PPP3CA: variants seen among roughly 807,000 people sequenced by gnomAD.
PPP3CA encodes CAM-PRP catalytic subunit.
Under a neutral mutation model 66.5 loss-of-function variants are expected in PPP3CA, and 14 were observed. The observed-to-expected ratio is 0.21, with a 90% CI of 0.14 to 0.33. PPP3CA has a LOEUF of 0.33. Ranked by LOEUF, PPP3CA falls within the 10% of genes least tolerant of loss-of-function variation. The pLI, the probability that PPP3CA is intolerant of heterozygous loss-of-function variation, is 1.00. For synonymous variants in PPP3CA, 232 were observed against 226.2 expected (o/e 1.03, Z -0.23); for missense variants, 317 against 639.5 (o/e 0.50, Z 5.44).
chr4:101,027,405 GT>G (rs968068381), intron 13 of PPP3CA, among the ~76,000 whole-genome samples: 6 of 152,178 alleles, frequency 3.9e-5, no homozygotes, highest in Admixed American at 2.6e-4. Flanking sequence ...ATGAGAAATA[GT>G]TTTTCCCCCC....
intron 1 of PPP3CA, among the ~76,000 whole-genome samples, chr4:101,204,783 G>C (rs1467260061): frequency 6.6e-6 from 1 of 151,178 alleles, no homozygotes; most frequent in Non-Finnish European, 1.5e-5. Flanking sequence ...TGAATGTTTA[G>C]ATTAAACTTA....
chr4:101,030,582 A>T (rs560178328), intron 12 of PPP3CA, among the ~76,000 whole-genome samples: 3 of 152,288 alleles, frequency 2.0e-5, no homozygotes, highest in Non-Finnish European at 4.4e-5. Flanking sequence ...ACACAAACCA[A>T]TGGATTTAAA....
At chr4:101,242,646 T>C (rs1337439020) in intron 1 of PPP3CA, among the ~76,000 whole-genome samples, 1 of 152,134 alleles carries the variant, frequency 6.6e-6, no homozygotes, top group Non-Finnish European at 1.5e-5. Flanking sequence ...CATTAAGAAA[T>C]CTGGGCCAGG....
chr4:101,282,356 C>G (rs974981135), intron 1 of PPP3CA, among the ~76,000 whole-genome samples: 7 of 152,200 alleles, frequency 4.6e-5, no homozygotes, highest in Non-Finnish European at 8.8e-5. Flanking sequence ...ATGTGATGGA[C>G]AGACCTCACT....
chr4:101,300,667 C>T (rs981116632), intron 1 of PPP3CA, among the ~76,000 whole-genome samples: 4 of 152,056 alleles, frequency 2.6e-5, no homozygotes, highest in Non-Finnish European at 5.9e-5. Flanking sequence ...CATGGTGACA[C>T]ACGCCTGCAG....
intron 1 of PPP3CA, among the ~76,000 whole-genome samples, chr4:101,311,789 A>G (rs2110311231): frequency 6.6e-6 from 1 of 152,268 alleles, no homozygotes; most frequent in South Asian, 2.1e-4. Context: ...ATACCAAAAA[A>G]ATGATACCAT....
At chr4:101,033,290 ACAAAC>A (rs1727085822) in intron 11 of PPP3CA, among the ~76,000 whole-genome samples, 18 of 88,670 alleles carry the variant, frequency 2.0e-4, no homozygotes, top group Middle Eastern at 5.6e-3. Flanking sequence ...ACACACACAC[ACAAAC>A]ACACACACAC....
chr4:101,099,688 T>C lies in PPP3CA; in HGVS notation c.419A>G (p.Tyr140Cys), dbSNP rs1401883929. 2 of 1,588,058 alleles carry C rather than the reference T, an allele frequency of 1.3e-6. No individual in the cohort carries two copies. Among genetic ancestry groups the C allele is most frequent in the African/African-American group, 1.4e-5 (1 of 73,688 alleles). The change falls in exon 4 of 14, where the codon TAC becomes TGC. Residue 140 changes from tyrosine (Y) to cysteine (C), a missense_variant. Physicochemically the swap from Tyr to Cys is radical, Grantham distance 194. This residue lies in a region of PPP3CA where 201 missense variants were observed against 501.4 expected (regional missense o/e 0.40). Coordinates refer to ENST00000394854, the MANE Select transcript of PPP3CA (RefSeq NM_000944.5). Reference protein sequence around the residue: ...VLYLWALKILYPKTLFLLRGN... With the variant: ...VLYLWALKILCPKTLFLLRGN... ...ACGAAGTAAAAACAGTGTTTTGGGGTAGAGAATTTTCAAGGCCCACAAATA... is the reference window on the plus strand; with the variant it reads ...ACGAAGTAAAAACAGTGTTTTGGGGCAGAGAATTTTCAAGGCCCACAAATA...
chr4:101,066,389 T>A (rs34488220), intron 8 of PPP3CA, among the ~76,000 whole-genome samples: 12,781 of 152,162 alleles, frequency 0.084, 799 homozygotes, highest in Non-Finnish European at 0.12. Flanking sequence ...GGTTTATAGA[T>A]AATTTATAAA....
At chr4:101,128,497 C>A (rs747285275) in intron 2 of PPP3CA, among the ~76,000 whole-genome samples, 1 of 151,888 alleles carries the variant, frequency 6.6e-6, no homozygotes, top group Non-Finnish European at 1.5e-5. Flanking sequence ...CAGCTCCCAG[C>A]GACACCAATG....
chr4:101,090,966 C>G (rs953826998), intron 6 of PPP3CA, among the ~76,000 whole-genome samples: 1 of 148,716 alleles, frequency 6.7e-6, no homozygotes, highest in Non-Finnish European at 1.5e-5. Flanking sequence ...ATATCTGTGT[C>G]TATATTATAA....
chr4:101,211,457 T>C (rs1445097996), intron 1 of PPP3CA, among the ~76,000 whole-genome samples: 2 of 152,230 alleles, frequency 1.3e-5, no homozygotes, highest in African/African-American at 4.8e-5. Flanking sequence ...ATGTTTATTC[T>C]GCAAGCACAG....
chr4:101,276,213 G>A (rs766906418), intron 1 of PPP3CA, among the ~76,000 whole-genome samples: 5 of 151,888 alleles, frequency 3.3e-5, no homozygotes, highest in African/African-American at 4.8e-5. Flanking sequence ...GTTTTGTATC[G>A]AGATTACGGA....
At chr4:101,300,740 A>T (rs567658784) in intron 1 of PPP3CA, among the ~76,000 whole-genome samples, 1 of 152,322 alleles carries the variant, frequency 6.6e-6, no homozygotes, top group East Asian at 1.9e-4. Flanking sequence ...GGTTGCACTG[A>T]GCCAAGATCG....
intron 1 of PPP3CA, among the ~76,000 whole-genome samples, chr4:101,307,249 T>C (rs1433459905): frequency 6.6e-6 from 1 of 151,934 alleles, no homozygotes. Flanking sequence ...AACCTGAATG[T>C]CTGAGGGTAA....
intron 1 of PPP3CA, among the ~76,000 whole-genome samples, chr4:101,204,394 T>G (rs1478991716): frequency 6.6e-6 from 1 of 152,068 alleles, no homozygotes; most frequent in Non-Finnish European, 1.5e-5. Flanking sequence ...CCCAGCACTT[T>G]GGGAGGCCCA....
chr4:101,184,868 T>C (rs1478964898), intron 2 of PPP3CA, among the ~76,000 whole-genome samples: 4 of 152,078 alleles, frequency 2.6e-5, no homozygotes, highest in Non-Finnish European at 5.9e-5. Context: ...GGTGCTTTAT[T>C]CCAGGGTGAG....
At chr4:101,208,227 G>C (rs1184559398) in intron 1 of PPP3CA, among the ~76,000 whole-genome samples, 3 of 150,714 alleles carry the variant, frequency 2.0e-5, no homozygotes, top group African/African-American at 7.3e-5. Flanking sequence ...TAAGTGAAAA[G>C]TAATCACACA....
chr4:101,294,901 G>A (rs1578638947), intron 1 of PPP3CA, among the ~76,000 whole-genome samples: 1 of 152,018 alleles, frequency 6.6e-6, no homozygotes, highest in African/African-American at 2.4e-5. Context: ...AATAGTCATG[G>A]GTCCCAAAAT....
Sources: gnomAD v4.1 joint callset for allele counts (sites outside exome capture counted in the v4.1 genomes callset) on GRCh38, gnomAD v4.1.1 for gene constraint, gnomAD v4.1.1 regional missense constraint, MANE v1.5 for transcripts, NCBI Gene and HGNC (gene_info 2026-07-23, HGNC 2026-07-21) for gene names.